The following SEPTIN9 variants were observed in gnomAD, a reference collection of about 807,000 sequenced individuals.
SEPTIN9 encodes septin-9.
SEPTIN9 carries 13 observed loss-of-function variants against 56.6 expected under a neutral mutation model. The observed-to-expected ratio is 0.23, with a 90% CI of 0.15 to 0.37. The LOEUF (loss-of-function observed/expected upper bound fraction) is 0.37. SEPTIN9 is among the 10% of genes least tolerant of loss of function. SEPTIN9 has a pLI of 1.00. For synonymous variants in SEPTIN9, 332 were observed against 334.1 expected, an observed-to-expected ratio of 0.99 and a Z score of 0.07; for missense variants, 650 against 823.1, an observed-to-expected ratio of 0.79 and a Z score of 2.57.
intron 2 of SEPTIN9, among the ~76,000 whole-genome samples, chr17:77,378,258 A>G (rs1202604868): frequency 6.6e-6 from 1 of 152,054 alleles, no homozygotes; most frequent in Non-Finnish European, 1.5e-5. Context: ...TTGCATCCAG[A>G]GGGGCAGTGC....
At chr17:77,378,530 AAGGACAGGT>A (rs1276808299) in intron 2 of SEPTIN9, among the ~76,000 whole-genome samples, 1 of 152,152 alleles carries the variant, frequency 6.6e-6, no homozygotes, top group African/African-American at 2.4e-5. Flanking sequence ...GGCATTTGCA[AAGGACAGGT>A]AGGTTTGGAT....
rs2037306744 is a variant in SEPTIN9, at chr17:77,435,572, G to A, written c.721+32869G>A. Among the ~76,000 whole-genome samples, 1 of 152,216 alleles carries A rather than the reference G, an allele frequency of 6.6e-6. No homozygotes were observed. Among genetic ancestry groups the A allele is most frequent in the South Asian group, 2.1e-4 (1 of 4,832 alleles). On this transcript the variant is annotated intron_variant, in intron 3 of 11. Transcript: ENST00000427177. This position sits in a 1 kb window ranked among gnomAD's most constrained non-coding sequence, Gnocchi z 4.5. ...CCCCTCCTTGGTGTGGTCTGGAGGT[G>A]CCAGTGGTCACTCATCAGCACAGCC...
chr17:77,447,941 A>G (rs1323059732), intron 3 of SEPTIN9, among the ~76,000 whole-genome samples: 1 of 152,146 alleles, frequency 6.6e-6, no homozygotes, highest in East Asian at 1.9e-4. Context: ...ATTTCTTAGG[A>G]GAAGCTCTGC....
At chr17:77,377,948 C>T (rs2034991874) in intron 2 of SEPTIN9, among the ~76,000 whole-genome samples, 2 of 152,174 alleles carry the variant, frequency 1.3e-5, no homozygotes, top group Admixed American at 1.3e-4. Context: ...ACGGGTCCCA[C>T]AGCCACTGGC....
chr17:77,453,532 G>A lies in SEPTIN9; in HGVS notation c.722-28612G>A, dbSNP rs556605884. 2.7e-4 allele frequency among the ~76,000 whole-genome samples: 41 copies of A among 152,036 alleles called. No individual in the cohort carries two copies. Among genetic ancestry groups the A allele is most frequent in the African/African-American group, 9.9e-4 (41 of 41,438 alleles). On this transcript the variant is annotated intron_variant, in intron 3 of 11. Coordinates refer to ENST00000427177, the MANE Select transcript of SEPTIN9 (RefSeq NM_001113491.2). The surrounding 1 kb of genome is among the most constrained non-coding windows in gnomAD (Gnocchi z 4.4). ...AGACAGGAGAATCACTTGAACCTGG[G>A]AGGTGGAGGTTGCAGTGAGCTGAGA...
At chr17:77,365,547 G>A (rs1415542596) in intron 2 of SEPTIN9, among the ~76,000 whole-genome samples, 4 of 152,172 alleles carry the variant, frequency 2.6e-5, no homozygotes, top group African/African-American at 9.7e-5. Context: ...TCAAGTGTAG[G>A]GTGGATGGGC....
At chr17:77,304,785 T>C (rs2032194998) in intron 1 of SEPTIN9, among the ~76,000 whole-genome samples, 1 of 152,110 alleles carries the variant, frequency 6.6e-6, no homozygotes, top group Non-Finnish European at 1.5e-5. Context: ...TGATGGTGTG[T>C]GCGTGGGGAT....
In SEPTIN9 at chr17:77,499,960, C is replaced by T. The variant is rs2040435506; in HGVS notation, c.*1302C>T. 1.2e-5 allele frequency: 3 copies of T among 241,498 alleles called. No homozygotes were observed. The highest frequency in any genetic ancestry group is 2.2e-5 in the African/African-American group (1 of 45,428). 15.0% of individuals were successfully genotyped at this position (241,498 alleles called of 1,614,324 possible). The stretch of plus-strand genomic sequence containing the variant: ...GTGGCAGCACGGCCCGGCCCCTCAC[C>T]CTCTGTCCCCACGAGGGGACCCATG... On this transcript the variant is annotated 3_prime_UTR_variant, in exon 12 of 12. Coordinates refer to ENST00000427177, the MANE Select transcript of SEPTIN9 (RefSeq NM_001113491.2).
intron 1 of SEPTIN9, chr17:77,287,809 C>CATGACTG (rs1285006440): frequency 2.3e-6 from 2 of 886,988 alleles, no homozygotes; most frequent in Non-Finnish European, 2.7e-6. Context: ...TTCTCCAAAG[C>CATGACTG]ATGACTGTTG....
At chr17:77,441,264 C>A (rs1598380046) in intron 3 of SEPTIN9, among the ~76,000 whole-genome samples, 1 of 152,336 alleles carries the variant, frequency 6.6e-6, no homozygotes, top group East Asian at 1.9e-4. Flanking sequence ...GCTTCCCTCC[C>A]AGACTTGGAG....
chr17:77,314,725 C>G (rs1409300963), intron 2 of SEPTIN9, among the ~76,000 whole-genome samples: 1 of 152,214 alleles, frequency 6.6e-6, no homozygotes, highest in East Asian at 1.9e-4. Flanking sequence ...AGACCCTTTC[C>G]CGAAGGCCCC....
In SEPTIN9 at chr17:77,482,205, C is replaced by T. The variant is rs1298714238; in HGVS notation, c.783C>T (p.Leu261=). The change falls in exon 4 of 12, where the codon CTC becomes CTT. Residue 261 remains leucine, a synonymous_variant. Transcript: ENST00000427177. ...DMADTPRDAG[L]KQAPASRNEK... is the part of the protein sequence containing the mutation. ...CCGACACCCCCAGAGATGCCGGGCT[C>T]AAGCAGGCGCCTGCATCACGGAACG... 6.2e-7 allele frequency: 1 copy of T among 1,611,558 alleles called. No homozygotes were observed. Among genetic ancestry groups the T allele is most frequent in the Non-Finnish European group, 8.5e-7 (1 of 1,179,290 alleles).
intron 3 of SEPTIN9, among the ~76,000 whole-genome samples, chr17:77,481,000 A>C (rs2039433654): frequency 6.6e-6 from 1 of 152,160 alleles, no homozygotes; most frequent in Non-Finnish European, 1.5e-5. Flanking sequence ...AGTTGTCTGC[A>C]CCTGCATGCG....
At chr17:77,342,491 G>C (rs28489609) in intron 2 of SEPTIN9, among the ~76,000 whole-genome samples, 2 of 152,082 alleles carry the variant, frequency 1.3e-5, no homozygotes, top group African/African-American at 2.4e-5. Flanking sequence ...ATTTCCTTGA[G>C]TTTCTCTGTT....
Position 77,319,547 on chromosome 17 carries a change from G to C in SEPTIN9, c.76+12350G>C, listed in dbSNP as rs534426016. On this transcript the variant is annotated intron_variant, in intron 2 of 11. Transcript: ENST00000427177. This position sits in a 1 kb window ranked among gnomAD's most constrained non-coding sequence, Gnocchi z 5.3. ...GTCACTGCAGACTAATGGGACGGAGGGGGGTGACTTCTCAGGGTTCCTCCT... is the reference window on the plus strand; with the variant it reads ...GTCACTGCAGACTAATGGGACGGAGCGGGGTGACTTCTCAGGGTTCCTCCT... 4.0e-4 allele frequency: 420 copies of C among 1,052,538 alleles called. No individual in the cohort carries two copies. Among genetic ancestry groups the C allele is most frequent in the Non-Finnish European group, 4.5e-4 (393 of 871,262 alleles). 65.2% of individuals were successfully genotyped at this position (1,052,538 alleles called of 1,614,324 possible). A position where few individuals can be genotyped will look rare whatever the true frequency, so the allele number is the denominator to read the frequency against.
At chr17:77,365,679 G>A (rs1598259794) in intron 2 of SEPTIN9, among the ~76,000 whole-genome samples, 1 of 152,100 alleles carries the variant, frequency 6.6e-6, no homozygotes, top group Non-Finnish European at 1.5e-5. Context: ...TGCCCTTCCC[G>A]GGTTGCCAGG....
At chr17:77,373,149 G>A (rs1598269816) in intron 2 of SEPTIN9, 1 of 1,020,972 alleles carries the variant, frequency 9.8e-7, no homozygotes, top group Non-Finnish European at 1.2e-6. Flanking sequence ...CTCCGGTCGT[G>A]TGCCCAGGAC....
At chr17:77,387,895 C>A (rs1319039149) in intron 2 of SEPTIN9, among the ~76,000 whole-genome samples, 1 of 148,096 alleles carries the variant, frequency 6.8e-6, no homozygotes, top group African/African-American at 2.5e-5. Flanking sequence ...CCACCTCCCC[C>A]TTCCCGCCCC....
intron 3 of SEPTIN9, among the ~76,000 whole-genome samples, chr17:77,419,277 G>A (rs1375999730): frequency 3.3e-5 from 5 of 152,190 alleles, no homozygotes; most frequent in East Asian, 1.9e-4. Flanking sequence ...TGCCTCCTGG[G>A]CACGAGTTGG....
Sources: allele counts gnomAD v4.1 joint callset (sites outside exome capture counted in the v4.1 genomes callset), GRCh38; gene constraint gnomAD v4.1.1; non-coding constraint Gnocchi (gnomAD v3.1); transcripts MANE v1.5; gene names NCBI Gene and HGNC (gene_info 2026-07-23, HGNC 2026-07-21).